The following KIF1A variants were observed in gnomAD, a reference collection of about 807,000 sequenced individuals.
KIF1A encodes the protein kinesin-like protein KIF1A.
In KIF1A, 46 loss-of-function variants were observed where a neutral mutation model predicts 227.3. The observed-to-expected ratio is 0.20, with a 90% CI of 0.16 to 0.26. The LOEUF is 0.26. Ranked by LOEUF, KIF1A falls within the 10% of genes least tolerant of loss-of-function variation. The pLI is 1.00. For synonymous variants in KIF1A, 1,022 were observed against 1,012.8 expected (o/e 1.01, Z -0.17); for missense variants, 1,683 against 2,485.9 (o/e 0.68, Z 6.87).
chr2:240,810,381 C>A (rs1050925818), intron 1 of KIF1A, among the ~76,000 whole-genome samples: 2 of 152,300 alleles, frequency 1.3e-5, no homozygotes, highest in Admixed American at 1.3e-4. Context: ...ACCATATTTT[C>A]AAACTGTATC....
rs748477031 is a variant in KIF1A, at chr2:240,763,087, G to A, written c.1954C>T (p.Gln652Ter). 1.3e-6 allele frequency: 2 copies of A among 1,580,958 alleles called. No individual in the cohort carries two copies. Among genetic ancestry groups the A allele is most frequent in the Non-Finnish European group, 1.7e-6 (2 of 1,165,108 alleles). Reference sequence around the variant, plus strand: ...CGGCGGTACTGGTCCTCCAGTTCCTGGAGCCTGCAAGGGGGCATTGGGGTG... The same window carrying A: ...CGGCGGTACTGGTCCTCCAGTTCCTAGAGCCTGCAAGGGGGCATTGGGGTG... ...DMKQEMEQRLQELEDQYRRER... is the reference protein window; with the variant it reads ...DMKQEMEQRL The change falls in exon 22 of 49, where the codon CAG (glutamine) becomes TAG (stop). Residue 652 changes from glutamine to a stop codon, truncating the protein, a stop_gained. Coordinates refer to ENST00000498729, the MANE Select transcript of KIF1A (RefSeq NM_001244008.2). LOFTEE classifies it high-confidence loss of function.
chr2:240,764,071 G>A (rs2050852250), intron 20 of KIF1A, among the ~76,000 whole-genome samples: 1 of 152,164 alleles, frequency 6.6e-6, no homozygotes, highest in Admixed American at 6.5e-5. Flanking sequence ...TCTTTGGATG[G>A]CCTAGTTTTC....
At chr2:240,735,572 C>T (rs1446630807) in intron 38 of KIF1A, among the ~76,000 whole-genome samples, 1 of 152,172 alleles carries the variant, frequency 6.6e-6, no homozygotes, top group Non-Finnish European at 1.5e-5. Flanking sequence ...GAGGTCATCT[C>T]CCAGGCTCCA....
intron 1 of KIF1A, among the ~76,000 whole-genome samples, chr2:240,805,609 G>C (rs907745767): frequency 4.6e-5 from 7 of 152,166 alleles, no homozygotes; most frequent in Non-Finnish European, 1.0e-4. Context: ...ATTAATAAGA[G>C]CATAGCATGA....
At position 240,717,335 on chromosome 2, in the gene KIF1A, C is replaced by T. The variant is rs368053227; in HGVS notation, c.*29G>A. On this transcript the variant is annotated 3_prime_UTR_variant, in exon 49 of 49. Coordinates refer to ENST00000498729, the MANE Select transcript of KIF1A (RefSeq NM_001244008.2). ...AGGATGAGGGAGGGGATGGGCTGGGCCTGCCGGCTGTCACGGGAGGGCTCA... is the reference window on the plus strand; with the variant it reads ...AGGATGAGGGAGGGGATGGGCTGGGTCTGCCGGCTGTCACGGGAGGGCTCA... 1.1e-4 allele frequency: 177 copies of T among 1,604,706 alleles called. No individual in the cohort carries two copies. The highest frequency in any genetic ancestry group is 1.4e-4 in the Non-Finnish European group (168 of 1,174,860).
At chr2:240,780,110 C>T (rs1163806877) in intron 10 of KIF1A, among the ~76,000 whole-genome samples, 1 of 151,958 alleles carries the variant, frequency 6.6e-6, no homozygotes, top group East Asian at 1.9e-4. Flanking sequence ...GCACGCTTCC[C>T]CACAGTGTCC....
At position 240,759,841 on chromosome 2, in the gene KIF1A, T is replaced by C. The variant is rs575273701; in HGVS notation, c.2444+824A>G. Among the ~76,000 whole-genome samples, 113 of 152,218 alleles carry C rather than the reference T, an allele frequency of 7.4e-4. 1 individual carries two copies. Among genetic ancestry groups the C allele is most frequent in the Non-Finnish European group, 1.9e-4 (13 of 68,004 alleles). On this transcript the variant is annotated intron_variant, in intron 25 of 48. Coordinates refer to ENST00000498729, the MANE Select transcript of KIF1A (RefSeq NM_001244008.2). ...GTGCAACAGAGCGAGACCTCATCTCTACCACAAAAAAAATTCAAAAATTAG... is the reference window on the plus strand; with the variant it reads ...GTGCAACAGAGCGAGACCTCATCTCCACCACAAAAAAAATTCAAAAATTAG...
chr2:240,732,812 G>T (rs2046890549), intron 38 of KIF1A, among the ~76,000 whole-genome samples: 1 of 123,314 alleles, frequency 8.1e-6, no homozygotes, highest in Non-Finnish European at 1.7e-5. Flanking sequence ...GATGAGGGAG[G>T]GACGAGACGA....
intron 1 of KIF1A, among the ~76,000 whole-genome samples, chr2:240,809,899 AAG>A (rs1221720606): frequency 6.6e-6 from 1 of 151,484 alleles, no homozygotes. Flanking sequence ...AAAAAAAAAA[AAG>A]AGTTTCTTGT....
intron 10 of KIF1A, chr2:240,782,320 C>T (rs939821752): frequency 3.0e-6 from 2 of 657,488 alleles, no homozygotes; most frequent in South Asian, 6.7e-5. Flanking sequence ...CCACGCCCCC[C>T]GGGCCACACT....
At chr2:240,774,505 T>G (rs1309534226) in intron 11 of KIF1A, among the ~76,000 whole-genome samples, 4 of 151,328 alleles carry the variant, frequency 2.6e-5, no homozygotes, top group African/African-American at 9.7e-5. Context: ...TTACTTGTGT[T>G]TTTCTCACAT....
chr2:240,737,820 G>T (rs1452779078), intron 37 of KIF1A, among the ~76,000 whole-genome samples: 1 of 152,194 alleles, frequency 6.6e-6, no homozygotes, highest in East Asian at 1.9e-4. Flanking sequence ...TCATTCAAAG[G>T]AGTAAACAAA....
In KIF1A at chr2:240,780,826, AGCTC is replaced by A. The variant is rs1442509030; in HGVS notation, c.882+1760_882+1763del. 7.1e-3 allele frequency among the ~76,000 whole-genome samples: 206 copies of A among 28,812 alleles called. 15 individuals carry two copies. Among genetic ancestry groups the A allele is most frequent in the African/African-American group, 0.056 (176 of 3,124 alleles). 18.9% of individuals were successfully genotyped at this position (28,812 alleles called of 152,430 possible). A position where few individuals can be genotyped will look rare whatever the true frequency, so the allele number is the denominator to read the frequency against. On this transcript the variant is annotated intron_variant, in intron 10 of 48. Coordinates refer to ENST00000498729, the MANE Select transcript of KIF1A (RefSeq NM_001244008.2). The stretch of plus-strand genomic sequence containing the variant: ...CACACACACACACACACACACACAC[AGCTC>A]CACACACACACACAGCTCCACACAC...
rs550027484 is a variant in KIF1A at position 240,788,211 on chromosome 2, G to A, written c.203C>T (p.Ala68Val). ...SHTSPEDINY[A>V]SQKQVYRDIG... The stretch of plus-strand genomic sequence containing the variant: ...GTCCCGGTACACCTGCTTCTGCGAC[G>A]CGTAGTTGATGTCCTCAGGCTGGAG... Residue 68 changes from alanine (A) to valine (V), a missense_variant, in exon 4 of 49, where the codon GCG (alanine) becomes GTG (valine). Transcript: ENST00000498729. This position sits in a 1 kb window ranked among gnomAD's most constrained non-coding sequence, Gnocchi z 6.6. 17 of 1,613,772 alleles carry A rather than the reference G, an allele frequency of 1.1e-5. No individual in the cohort carries two copies. The highest frequency in any genetic ancestry group is 4.5e-5 in the East Asian group (2 of 44,872).
rs2125717706 is a variant in KIF1A, at chr2:240,736,996, G to A, written c.4007+67C>T. On this transcript the variant is annotated intron_variant, in intron 38 of 48. Coordinates refer to ENST00000498729, the MANE Select transcript of KIF1A (RefSeq NM_001244008.2). The surrounding 1 kb of genome is among the most constrained non-coding windows in gnomAD (Gnocchi z 4.7). ...CTTGTGTGGCTGAACCCTGTGCCGG[G>A]TTGGCTGAGGGCCTGGCAGGCTGGG... is the stretch of plus-strand genomic sequence containing the variant. 1 of 1,319,714 alleles carries A rather than the reference G, an allele frequency of 7.6e-7. No individual in the cohort carries two copies. The highest frequency in any genetic ancestry group is 1.2e-5 in the South Asian group (1 of 84,410). 81.8% of individuals were successfully genotyped at this position (1,319,714 alleles called of 1,614,324 possible).
intron 1 of KIF1A, among the ~76,000 whole-genome samples, chr2:240,803,287 A>C (rs1362317579): frequency 6.6e-6 from 1 of 152,236 alleles, no homozygotes; most frequent in African/African-American, 2.4e-5. Flanking sequence ...ATAGCCTTAA[A>C]GGCACAGGGA....
At chr2:240,749,705 A>ACGGATCC (rs3841916) in intron 28 of KIF1A, among the ~76,000 whole-genome samples, 42,270 of 151,842 alleles carry the variant, frequency 0.28, 6,047 homozygotes, top group East Asian at 0.56. Context: ...GAGCATTACA[A>ACGGATCC]CGGATCCCGT....
chr2:240,762,097 G>A (rs919249680), intron 23 of KIF1A, among the ~76,000 whole-genome samples: 1 of 152,178 alleles, frequency 6.6e-6, no homozygotes, highest in South Asian at 2.1e-4. Context: ...GCTGTGGGAG[G>A]GAGCTTCGCT....
At chr2:240,760,975 C>T (rs899075437) in intron 24 of KIF1A, 132 bp from the exon 25 acceptor site, 7 of 1,003,462 alleles carry the variant, frequency 7.0e-6, no homozygotes, top group Admixed American at 3.0e-5. Flanking sequence ...ACCTTTCAGA[C>T]AGCCGCCAGG....
Sources: allele counts gnomAD v4.1 joint callset (sites outside exome capture counted in the v4.1 genomes callset), GRCh38; gene constraint gnomAD v4.1.1; non-coding constraint Gnocchi (gnomAD v3.1); transcripts MANE v1.5; gene names NCBI Gene and HGNC (gene_info 2026-07-23, HGNC 2026-07-21).